QARS1: variants seen among roughly 807,000 people sequenced by gnomAD.
The protein encoded by QARS1 is glutamine--tRNA ligase.
Under a neutral mutation model 106.9 loss-of-function variants are expected in QARS1, and 79 were observed. The observed-to-expected ratio is 0.74, with a 90% CI of 0.62 to 0.89. The LOEUF (loss-of-function observed/expected upper bound fraction) is 0.89, where lower values mean the gene tolerates loss of function less well. Ranked by LOEUF, QARS1 falls within the 40% of genes least tolerant of loss-of-function variation. The pLI is 0.00. For synonymous variants in QARS1, 395 were observed against 367.7 expected (o/e 1.07, Z -0.85); for missense variants, 966 against 997.2 (o/e 0.97, Z 0.42).
intron 5 of QARS1, chr3:49,102,869 C>G (rs2042489288): frequency 2.9e-6 from 1 of 347,172 alleles, no homozygotes; most frequent in Admixed American, 3.9e-5. Flanking sequence ...TCTCAAACTC[C>G]TGACCTCAGG....
chr3:49,100,441 CTT>C lies in QARS1; in HGVS notation c.992_993del (p.Lys331SerfsTer6). 1 of 1,614,236 alleles carries C rather than the reference CTT, an allele frequency of 6.2e-7. No homozygotes were observed. The highest frequency in any genetic ancestry group is 8.5e-7 in the Non-Finnish European group (1 of 1,180,048). ...MVAWLGYTPY[K>X]VTYASDYFDQ... Reference sequence around the variant, plus strand: ...TCAAAATAGTCAGACGCATATGTGACTTTGTAAGGTGTGTAGCCTGGGGCAAA... The same window carrying C: ...TCAAAATAGTCAGACGCATATGTGACTGTAAGGTGTGTAGCCTGGGGCAAA... On this transcript the variant is annotated frameshift_variant, in exon 12 of 24. Transcript: ENST00000306125. LOFTEE classifies it high-confidence loss of function.
In QARS1 at chr3:49,099,980, GGT is replaced by G; in HGVS notation, c.1274_1275del (p.His425ProfsTer21). 1 of 1,614,184 alleles carries G rather than the reference GGT, an allele frequency of 6.2e-7. No individual in the cohort carries two copies. On this transcript the variant is annotated frameshift_variant, in exon 14 of 24. Coordinates refer to ENST00000306125, the MANE Select transcript of QARS1 (RefSeq NM_005051.3). LOFTEE classifies it high-confidence loss of function. ...PVAYRVKYTP[H>X]HRTGDKWCIY... Reference sequence around the variant, plus strand: ...ACCCACCATTTGTCCCCTGTGCGGTGGTGTGGTGTATACTTGACTCGATAGGC... The same window carrying G: ...ACCCACCATTTGTCCCCTGTGCGGTGGTGGTGTATACTTGACTCGATAGGC...
intron 14 of QARS1, 30 bp from the exon 15 acceptor site, chr3:49,099,883 T>C: frequency 6.2e-7 from 1 of 1,613,926 alleles, no homozygotes; most frequent in Non-Finnish European, 8.5e-7. Flanking sequence ...GGCCCTACCA[T>C]CCAGCCCTAC....
chr3:49,104,718 A>G lies in QARS1; in HGVS notation c.16T>C (p.Ser6Pro), dbSNP rs747163409. Residue 6 changes from serine to proline, a missense_variant, in exon 1 of 24, where the codon TCC (serine) becomes CCC (proline). Coordinates refer to ENST00000306125, the MANE Select transcript of QARS1 (RefSeq NM_005051.3). MAALD[S>P]LSLFTSLGLS... ...CCGAGGCTAGTGAAGAGCGACAGGG[A>G]GTCTAGAGCCGCCATTGCAGAGACA... The G allele has an allele frequency of 1.9e-6, 3 of 1,612,604 alleles. No individual in the cohort carries two copies. Among genetic ancestry groups the G allele is most frequent in the Admixed American group, 1.7e-5 (1 of 60,010 alleles).
At chr3:49,098,726 T>C (rs1223004133) in intron 19 of QARS1, 34 bp from the exon 20 acceptor site, 1 of 1,555,236 alleles carries the variant, frequency 6.4e-7, no homozygotes, top group South Asian at 1.2e-5. Context: ...CACATGAGGC[T>C]GCAAGGGTCA....
intron 1 of QARS1, 41 bp from the exon 2 acceptor site, chr3:49,104,512 G>A (rs1343443652): frequency 1.2e-5 from 19 of 1,610,666 alleles, no homozygotes; most frequent in Non-Finnish European, 1.3e-5. Flanking sequence ...CGCGCTCAGT[G>A]AGAGGAAAGG....
rs200860200 is a variant in QARS1 at position 49,100,062 on chromosome 3, G to A, written c.1194C>T (p.Gly398=). The change falls in exon 14 of 24, where the codon GGC becomes GGT. Residue 398 remains glycine, a synonymous_variant. Transcript: ENST00000306125. ...EAMRKGKFSE[G]EATLRMKLVM... ...CCAGCTTCATCCGTAGTGTGGCCTC[G>A]CCCTCTGAAAACTTGCCCTTGCGCA... 9.9e-6 allele frequency: 16 copies of A among 1,614,150 alleles called. No individual in the cohort carries two copies. Among genetic ancestry groups the A allele is most frequent in the East Asian group, 4.5e-5 (2 of 44,884 alleles).
rs1265133535 is a variant in QARS1, at chr3:49,099,902, AC to A, written c.1296-50del. 8 of 1,613,830 alleles carry A rather than the reference AC, an allele frequency of 5.0e-6. No individual in the cohort carries two copies. The African/African-American group carries it at 9.4e-5, about 19-fold the overall frequency. ...CTACCATCCAGCCCTACTCTGCCCT[AC>A]CCCATGGCCCATCGCCCTGCTCGGC... On this transcript the variant is annotated intron_variant, in intron 14 of 23. Coordinates refer to ENST00000306125, the MANE Select transcript of QARS1 (RefSeq NM_005051.3).
Position 49,099,614 on chromosome 3 carries a change from C to G in QARS1, c.1422G>C (p.Leu474=). 1.2e-6 allele frequency: 2 copies of G among 1,614,120 alleles called. No homozygotes were observed. The highest frequency in any genetic ancestry group is 2.2e-5 in the South Asian group (2 of 91,088). The change falls in exon 16 of 24, where the codon CTG becomes CTC. Residue 474 remains leucine (L), a synonymous_variant. Transcript: ENST00000306125. ...RSSYFWLCNA[L]DVYCPVQWEY... ...CCCACTGCACAGGGCAATAGACGTC[C>G]AGTGCATTGCAAAGCCAGAAGTAGG... is the stretch of plus-strand genomic sequence containing the variant.
intron 23 of QARS1, among the ~76,000 whole-genome samples, chr3:49,096,816 A>C (rs1023479978): frequency 1.5e-5 from 2 of 134,776 alleles, no homozygotes; most frequent in African/African-American, 5.4e-5. Flanking sequence ...AAAAAAAAAA[A>C]AAAAAAAAAA....
chr3:49,100,656 A>T lies in QARS1; in HGVS notation c.895T>A (p.Phe299Ile). The T allele has an allele frequency of 1.2e-6, 2 of 1,604,218 alleles. No homozygotes were observed. Among genetic ancestry groups the T allele is most frequent in the Non-Finnish European group, 1.7e-6 (2 of 1,170,910 alleles). The change falls in exon 11 of 24, where the codon TTT (phenylalanine) becomes ATT (isoleucine). Residue 299 changes from phenylalanine (F) to isoleucine (I), a missense_variant. Phe to Ile is a conservative substitution (Grantham distance 21). Coordinates refer to ENST00000306125, the MANE Select transcript of QARS1 (RefSeq NM_005051.3). ...GGGTTGGTGTCATCAAAACGCAGAA[A>T]ACAGATGCCATTGTTGGCCTAGGAA... is the stretch of plus-strand genomic sequence containing the variant. ...GYAKANNGIC[F>I]LRFDDTNPEK... is the part of the protein sequence containing the mutation.
rs2042509052 is a variant in QARS1, at chr3:49,104,263, A to G, written c.265+61T>C. On this transcript the variant is annotated intron_variant, in intron 2 of 23. Coordinates refer to ENST00000306125, the MANE Select transcript of QARS1 (RefSeq NM_005051.3). ...CTGGAGGACTTGGCAAAAAGGGAAG[A>G]CAGGGGTCTTGGCTGAAGGGAGGCA... is the stretch of plus-strand genomic sequence containing the variant. 25 of 1,598,130 alleles carry G rather than the reference A, an allele frequency of 1.6e-5. No homozygotes were observed. In the South Asian group the frequency reaches 2.8e-4, roughly 18 times the overall value.
chr3:49,100,099 G>C lies in QARS1; in HGVS notation c.1165-8C>G, dbSNP rs769561465. On this transcript the variant is annotated splice_region_variant and splice_polypyrimidine_tract_variant and intron_variant, in intron 13 of 23. Coordinates refer to ENST00000306125, the MANE Select transcript of QARS1 (RefSeq NM_005051.3). ...CTTGCCCTTGCGCATTGCCTGAGGG[G>C]AACAAGGACTCAGGCTGTCTCTAAG... 4 of 1,614,206 alleles carry C rather than the reference G, an allele frequency of 2.5e-6. No homozygotes were observed. Among genetic ancestry groups the C allele is most frequent in the East Asian group, 2.2e-5 (1 of 44,882 alleles).
chr3:49,102,400 G>T lies in QARS1; in HGVS notation c.570+19C>A. On this transcript the variant is annotated intron_variant, in intron 6 of 23. Coordinates refer to ENST00000306125, the MANE Select transcript of QARS1 (RefSeq NM_005051.3). ...ACCTCACCTCACCCTCAGGGACTCA[G>T]GGCCATGCCCATCCCTACCTTGAAC... 6.2e-7 allele frequency: 1 copy of T among 1,614,070 alleles called. No individual in the cohort carries two copies. The highest frequency in any genetic ancestry group is 2.2e-5 in the East Asian group (1 of 44,882).
intron 19 of QARS1, 95 bp downstream of exon 19, chr3:49,098,789 GA>G: frequency 6.7e-7 from 1 of 1,499,768 alleles, no homozygotes; most frequent in Non-Finnish European, 9.2e-7. Context: ...TGGTTCATCT[GA>G]AGCAGGAAGT....
In QARS1 at chr3:49,100,175, C is replaced by T; in HGVS notation, c.1164+15G>A. The T allele has an allele frequency of 6.2e-7, 1 of 1,614,188 alleles. No homozygotes were observed. The highest frequency in any genetic ancestry group is 8.5e-7 in the Non-Finnish European group (1 of 1,180,006). On this transcript the variant is annotated intron_variant, in intron 13 of 23. Coordinates refer to ENST00000306125, the MANE Select transcript of QARS1 (RefSeq NM_005051.3). ...CTTGGCCCACCCAAACCCAGATGCT[C>T]CTCTAGGACCCCACCTCAAAGAGCA...
chr3:49,098,344 T>C lies in QARS1; in HGVS notation c.2084+9A>G. The C allele has an allele frequency of 6.2e-7, 1 of 1,614,196 alleles. No homozygotes were observed. The highest frequency in any genetic ancestry group is 2.2e-5 in the East Asian group (1 of 44,886). ...TGTACCTGCCCCCACCCCAGCTCTG[T>C]TCACTCACAGTCGCTCATAGAGGCG... is the stretch of plus-strand genomic sequence containing the variant. On this transcript the variant is annotated intron_variant, in intron 21 of 23. Coordinates refer to ENST00000306125, the MANE Select transcript of QARS1 (RefSeq NM_005051.3).
intron 2 of QARS1, 168 bp downstream of exon 2, chr3:49,104,154 CCT>C: frequency 8.6e-7 from 1 of 1,168,084 alleles, no homozygotes; most frequent in East Asian, 2.3e-5. Context: ...CCCCTCAGAC[CCT>C]GACAGTTCCC....
intron 6 of QARS1, 43 bp downstream of exon 6, chr3:49,102,376 C>T (rs1261753519): frequency 6.2e-7 from 1 of 1,613,008 alleles, no homozygotes; most frequent in South Asian, 1.1e-5. Flanking sequence ...TCTCACCATA[C>T]CTCACCTCAC....
Sources: allele counts gnomAD v4.1 joint callset (sites outside exome capture counted in the v4.1 genomes callset), GRCh38; gene constraint gnomAD v4.1.1; transcripts MANE v1.5; gene names NCBI Gene and HGNC (gene_info 2026-07-23, HGNC 2026-07-21).